Variants in PVALB observed in about 807,000 individuals in gnomAD.
PVALB encodes parvalbumin alpha.
Under a neutral mutation model 10.9 loss-of-function variants are expected in PVALB, and 11 were observed. The ratio of observed to expected loss-of-function variants is 1.01; its 90% CI spans 0.63 to 1.67. PVALB has a LOEUF of 1.67. PVALB is among the 40% of genes most tolerant of loss of function. The probability of loss-of-function intolerance (pLI) is 0.00; values close to 1 mark genes in which losing one functional copy is unlikely to be tolerated. For missense variants in PVALB, 131 were observed against 136.2 expected, an observed-to-expected ratio of 0.96 and a Z score of 0.19; for synonymous variants, 57 against 50.7, an observed-to-expected ratio of 1.12 and a Z score of -0.53.
intron 3 of PVALB, chr22:36,811,633 T>C (rs1489300328): frequency 1.1e-5 from 5 of 438,114 alleles, no homozygotes; most frequent in Admixed American, 2.5e-5. Flanking sequence ...TCAGGTAGGT[T>C]TTCTGTGAGC....
rs202076054 is a variant in PVALB at position 36,815,097 on chromosome 22, G to C, written c.194+6C>G. On this transcript the variant is annotated splice_donor_region_variant and intron_variant, in intron 2 of 3. Coordinates refer to ENST00000417718, the MANE Select transcript of PVALB (RefSeq NM_001315532.2). ...GGCTGGGCAGCCCCTGCAGGCCTCC[G>C]CTTACCCCAGCTCATCCTCCTCGAT... The C allele has an allele frequency of 2.0e-5, 32 of 1,613,822 alleles. No individual in the cohort carries two copies. Among genetic ancestry groups the C allele is most frequent in the Admixed American group, 1.3e-4 (8 of 60,004 alleles).
At chr22:36,811,599 C>T (rs1178710033) in intron 3 of PVALB, 4 of 456,290 alleles carry the variant, frequency 8.8e-6, no homozygotes, top group East Asian at 7.6e-5. Context: ...GGGAACTGGG[C>T]CAGGTTTGGC....
intron 1 of PVALB, 198 bp from the exon 2 acceptor site, chr22:36,815,433 G>A: frequency 1.4e-6 from 1 of 697,212 alleles, no homozygotes; most frequent in Non-Finnish European, 2.3e-6. Flanking sequence ...GGCTGGGAGT[G>A]GAAGAGGTGT....
At chr22:36,813,532 G>A in intron 3 of PVALB, 114 bp downstream of exon 3, 1 of 814,654 alleles carries the variant, frequency 1.2e-6, no homozygotes, top group South Asian at 1.5e-5. Flanking sequence ...CTAATCTGGG[G>A]GAGTGAGGGA....
upstream of PVALB, among the ~76,000 whole-genome samples, chr22:36,817,838 A>T (rs878987669): frequency 2.0e-5 from 3 of 151,936 alleles, no homozygotes; most frequent in Admixed American, 2.0e-4. Flanking sequence ...TACTCCTATA[A>T]ACCTTTTTTG....
chr22:36,815,377 G>T (rs1211806543), intron 1 of PVALB, 142 bp from the exon 2 acceptor site: 6 of 1,158,064 alleles, frequency 5.2e-6, no homozygotes, highest in South Asian at 4.3e-5. Context: ...CCATTGGAGG[G>T]CTGAGGGAGC....
intron 3 of PVALB, 82 bp downstream of exon 3, chr22:36,813,564 G>T: frequency 8.6e-7 from 1 of 1,167,264 alleles, no homozygotes; most frequent in Non-Finnish European, 1.3e-6. Flanking sequence ...TCCCTTCCTT[G>T]TGACAGACAT....
chr22:36,813,604 A>C lies in PVALB; in HGVS notation c.304+42T>G. ...TCAAACTTTTCGCATCCAACACCCC[A>C]AGATCCACAATATGCCCAGACCCCA... On this transcript the variant is annotated intron_variant, in intron 3 of 3. Transcript: ENST00000417718. The C allele has an allele frequency of 1.3e-6, 2 of 1,517,120 alleles. 1 individual carries two copies. The highest frequency in any genetic ancestry group is 2.2e-5 in the South Asian group (2 of 88,944). The allele number at this position is 1,517,120 out of a possible 1,614,324, so 94.0% of individuals were successfully genotyped here. A position where few individuals can be genotyped will look rare whatever the true frequency, so the allele number is the denominator to read the frequency against.
At chr22:36,802,243 T>A (rs867343995) in intron 3 of PVALB, among the ~76,000 whole-genome samples, 4 of 151,994 alleles carry the variant, frequency 2.6e-5, no homozygotes, top group African/African-American at 9.6e-5. Context: ...TACAATTATT[T>A]CAAAATAAAA....
intron 1 of PVALB, 117 bp downstream of exon 1, chr22:36,816,827 CG>C: frequency 3.6e-6 from 3 of 837,866 alleles, no homozygotes; most frequent in Non-Finnish European, 5.2e-6. Flanking sequence ...CGGCGCCCAG[CG>C]GGAAGTGTGG....
At chr22:36,813,592 A>G in intron 3 of PVALB, 54 bp downstream of exon 3, 2 of 1,458,018 alleles carry the variant, frequency 1.4e-6, no homozygotes, top group East Asian at 2.3e-5. Flanking sequence ...AACTTTTCGC[A>G]TCCAACACCC....
At chr22:36,804,261 G>A (rs1938917173) in intron 3 of PVALB, among the ~76,000 whole-genome samples, 2 of 152,176 alleles carry the variant, frequency 1.3e-5, no homozygotes, top group Non-Finnish European at 2.9e-5. Context: ...GGTGTGACGG[G>A]GACCCAGGGA....
rs1255673906 is a variant in PVALB at position 36,815,232 on chromosome 22, G to A, written c.65C>T (p.Thr22Ile). The change falls in exon 2 of 4, where the codon ACC becomes ATC. Residue 22 changes from threonine to isoleucine, a missense_variant. Coordinates refer to ENST00000417718, the MANE Select transcript of PVALB (RefSeq NM_001315532.2). ...GAACTTTTTGTGGTCGAAGGAGTCG[G>A]TAGCTGTGGGGGGAAGAGCAGGGTC... The part of the protein sequence containing the change: ...IKKAVGAFSA[T>I]DSFDHKKFFQ... 1.9e-6 allele frequency: 3 copies of A among 1,614,170 alleles called. No homozygotes were observed. The highest frequency in any genetic ancestry group is 2.5e-6 in the Non-Finnish European group (3 of 1,179,998).
chr22:36,803,371 T>G (rs1938898653), intron 3 of PVALB, among the ~76,000 whole-genome samples: 1 of 152,220 alleles, frequency 6.6e-6, no homozygotes, highest in African/African-American at 2.4e-5. Flanking sequence ...ATTTATGCAC[T>G]TATTTTTGTC....
intron 3 of PVALB, among the ~76,000 whole-genome samples, chr22:36,813,195 C>T (rs996448932): frequency 4.6e-5 from 7 of 152,198 alleles, no homozygotes; most frequent in Non-Finnish European, 8.8e-5. Context: ...ATTTCCATCC[C>T]TGGAATCTGA....
At chr22:36,805,847 T>C (rs2284022) in intron 3 of PVALB, among the ~76,000 whole-genome samples, 60,243 of 151,744 alleles carry the variant, frequency 0.4, 12,210 homozygotes, top group Non-Finnish European at 0.43. Flanking sequence ...GTCCTGAAAC[T>C]AAGCAAGACA....
intron 3 of PVALB, among the ~76,000 whole-genome samples, chr22:36,802,140 T>C (rs561704841): frequency 1.3e-5 from 2 of 152,330 alleles, no homozygotes; most frequent in African/African-American, 4.8e-5. Context: ...TTTTCATCAT[T>C]GTACTGTGGT....
chr22:36,813,283 C>A (rs539182939), intron 3 of PVALB, among the ~76,000 whole-genome samples: 4 of 152,024 alleles, frequency 2.6e-5, no homozygotes, highest in South Asian at 4.2e-4. Context: ...AGAGGCCCAG[C>A]GATCGAGAGA....
At chr22:36,805,014 G>A (rs1339084188) in intron 3 of PVALB, among the ~76,000 whole-genome samples, 2 of 152,220 alleles carry the variant, frequency 1.3e-5, no homozygotes, top group East Asian at 3.8e-4. Context: ...ATTGGTGGTA[G>A]GTAGGATCCC....
Sources: allele counts gnomAD v4.1 joint callset (sites outside exome capture counted in the v4.1 genomes callset), GRCh38; gene constraint gnomAD v4.1.1; transcripts MANE v1.5; gene names NCBI Gene and HGNC (gene_info 2026-07-23, HGNC 2026-07-21).